Variants in ADAMTS20 observed in about 807,000 individuals in gnomAD.
ADAMTS20 encodes the protein A disintegrin and metalloproteinase with thrombospondin motifs 20.
A neutral mutation model predicts 260.1 loss-of-function variants in ADAMTS20; 225 were observed. The ratio of observed to expected loss-of-function variants is 0.87; its 90% confidence interval spans 0.78 to 0.97. The LOEUF (loss-of-function observed/expected upper bound fraction) is 0.97. Among genes scored for constraint, ADAMTS20 ranks in the 50% least tolerant of loss-of-function variants. The probability of loss-of-function intolerance (pLI) is 0.00; values close to 1 mark genes in which losing one functional copy is unlikely to be tolerated. For missense variants in ADAMTS20, 2,400 were observed against 2,337.7 expected (o/e 1.03, Z -0.55); for synonymous variants, 802 against 769.5 (o/e 1.04, Z -0.70).
chr12:43,392,204 T>C (rs1230049878), intron 29 of ADAMTS20, among the ~76,000 whole-genome samples: 2 of 152,168 alleles, frequency 1.3e-5, no homozygotes, highest in African/African-American at 4.8e-5. Context: ...GAATCTCTTA[T>C]GAAAATGTCT....
intron 2 of ADAMTS20, among the ~76,000 whole-genome samples, chr12:43,532,549 T>TC (rs2137505138): frequency 1.1e-5 from 1 of 92,512 alleles, no homozygotes; most frequent in Admixed American, 1.2e-4. Flanking sequence ...ACTTTTTTTT[T>TC]TTAATGTTTT....
intron 36 of ADAMTS20, among the ~76,000 whole-genome samples, chr12:43,370,531 A>G (rs1236386471): frequency 6.6e-6 from 1 of 152,208 alleles, no homozygotes; most frequent in Non-Finnish European, 1.5e-5. Flanking sequence ...CTCCAAAAGC[A>G]TGTCAGTCAA....
chr12:43,383,583 A>AT lies in ADAMTS20; in HGVS notation c.4771dup (p.Ile1591AsnfsTer17). On this transcript the variant is annotated frameshift_variant, in exon 31 of 39. Coordinates refer to ENST00000389420, the MANE Select transcript of ADAMTS20 (RefSeq NM_025003.5). LOFTEE classifies it high-confidence loss of function. ...CTGTGATGAGTCTGCTGTTACCACA[A>AT]TGTAATTGCAAGGAGGGTTCCTGCA... The AT allele has an allele frequency of 6.2e-7, 1 of 1,613,164 alleles. No homozygotes were observed. Among genetic ancestry groups the AT allele is most frequent in the Non-Finnish European group, 8.5e-7 (1 of 1,179,446 alleles).
chr12:43,369,979 G>T (rs369261723), intron 36 of ADAMTS20, among the ~76,000 whole-genome samples: 25 of 151,976 alleles, frequency 1.6e-4, no homozygotes, highest in African/African-American at 5.6e-4. Flanking sequence ...AGAGCCATTG[G>T]ATTAAAACAG....
chr12:43,546,224 C>T (rs1191023708), intron 2 of ADAMTS20, among the ~76,000 whole-genome samples: 1 of 152,154 alleles, frequency 6.6e-6, no homozygotes, highest in Non-Finnish European at 1.5e-5. Flanking sequence ...AATAATCAGT[C>T]ATCAGAGAGG....
chr12:43,541,340 TA>T (rs958336864), intron 2 of ADAMTS20, among the ~76,000 whole-genome samples: 2 of 152,206 alleles, frequency 1.3e-5, no homozygotes, highest in Non-Finnish European at 2.9e-5. Flanking sequence ...CCATTGTCTG[TA>T]AAACAAAATT....
chr12:43,405,721 C>T (rs1190147046), intron 28 of ADAMTS20, among the ~76,000 whole-genome samples: 1 of 152,008 alleles, frequency 6.6e-6, no homozygotes, highest in Non-Finnish European at 1.5e-5. Flanking sequence ...TATTCAATTT[C>T]ACTTTGGCTT....
chr12:43,391,034 C>A (rs1940585500), intron 29 of ADAMTS20, among the ~76,000 whole-genome samples: 1 of 152,124 alleles, frequency 6.6e-6, no homozygotes, highest in African/African-American at 2.4e-5. Flanking sequence ...GGCTTATAAA[C>A]AACAGAAATT....
chr12:43,359,999 T>C (rs977142335), intron 37 of ADAMTS20, among the ~76,000 whole-genome samples: 4 of 152,110 alleles, frequency 2.6e-5, no homozygotes, highest in Non-Finnish European at 5.9e-5. Flanking sequence ...TTTATTAAAA[T>C]TGAAAACTGC....
At position 43,377,494 on chromosome 12, in the gene ADAMTS20, C is replaced by G; in HGVS notation, c.4866G>C (p.Lys1622Asn). 6.2e-7 allele frequency: 1 copy of G among 1,613,644 alleles called. No individual in the cohort carries two copies. Among genetic ancestry groups the G allele is most frequent in the Non-Finnish European group, 8.5e-7 (1 of 1,179,670 alleles). ...GCCGAAGTCGATGGAGCTTATGTTT[C>G]TTAGTAGATGGGATCTCGGTGCAAT... ...ITYCTEIPSTKKHKLHRLRPI... is the reference protein window; with the variant it reads ...ITYCTEIPSTNKHKLHRLRPI... The change falls in exon 32 of 39, where the codon AAG becomes AAC. Residue 1622 changes from lysine (K) to asparagine (N), a missense_variant. Physicochemically the swap from Lys to Asn is moderately conservative, Grantham distance 94. Coordinates refer to ENST00000389420, the MANE Select transcript of ADAMTS20 (RefSeq NM_025003.5).
rs1196749130 is a variant in ADAMTS20 at position 43,432,470 on chromosome 12, T to G, written c.2932-2A>C. The G allele has an allele frequency of 6.3e-7, 1 of 1,584,192 alleles. No homozygotes were observed. Among genetic ancestry groups the G allele is most frequent in the African/African-American group, 1.4e-5 (1 of 69,872 alleles). ...CCCTCCTCCACAACTCCTGGAACAC[T>G]GATTAAAAAAAAAAAAGTGGTAACT... is the stretch of plus-strand genomic sequence containing the variant. On this transcript the variant is annotated splice_acceptor_variant, in intron 20 of 38. Transcript: ENST00000389420. LOFTEE classifies it high-confidence loss of function.
At chr12:43,535,401 A>AT (rs5797867) in intron 2 of ADAMTS20, among the ~76,000 whole-genome samples, 49,173 of 151,954 alleles carry the variant, frequency 0.32, 9,187 homozygotes, top group Non-Finnish European at 0.42. Flanking sequence ...GCTTGCAGGG[A>AT]TTTTTGTCAG....
intron 28 of ADAMTS20, among the ~76,000 whole-genome samples, chr12:43,415,868 T>C (rs906823014): frequency 9.2e-5 from 14 of 152,330 alleles, no homozygotes; most frequent in African/African-American, 3.4e-4. Flanking sequence ...CATGAGACTA[T>C]CTAATACAAA....
intron 30 of ADAMTS20, 21 bp from the exon 31 acceptor site, chr12:43,383,749 T>C (rs1940407441): frequency 1.2e-6 from 2 of 1,613,640 alleles, no homozygotes; most frequent in South Asian, 1.1e-5. Flanking sequence ...AATAACCAAA[T>C]GAATAACACA....
intron 29 of ADAMTS20, among the ~76,000 whole-genome samples, chr12:43,389,716 G>GT (rs751008072): frequency 2.0e-5 from 3 of 151,828 alleles, no homozygotes; most frequent in African/African-American, 4.8e-5. Flanking sequence ...TTTTGTTTTT[G>GT]TTTTTTTGCC....
Position 43,427,527 on chromosome 12 carries a change from C to T in ADAMTS20, c.3946-58G>A. ...CTGCGGATTCCACATAATGAATTTA[C>T]ATGGTAAAAAAAAAAAATCAGCATT... On this transcript the variant is annotated intron_variant, in intron 26 of 38. Coordinates refer to ENST00000389420, the MANE Select transcript of ADAMTS20 (RefSeq NM_025003.5). 8.4e-6 allele frequency: 12 copies of T among 1,434,586 alleles called. No homozygotes were observed. In the South Asian group the frequency reaches 1.6e-4, roughly 19 times the overall value. The allele number at this position is 1,434,586 out of a possible 1,614,324, so 88.9% of individuals were successfully genotyped here. A position where few individuals can be genotyped will look rare whatever the true frequency, so the allele number is the denominator to read the frequency against.
chr12:43,541,934 T>C (rs1943381949), intron 2 of ADAMTS20, among the ~76,000 whole-genome samples: 1 of 152,220 alleles, frequency 6.6e-6, no homozygotes, highest in Admixed American at 6.5e-5. Context: ...ACTGCTCTCC[T>C]GCCAAGTCCT....
chr12:43,418,877 A>C (rs2137284370), intron 28 of ADAMTS20, among the ~76,000 whole-genome samples: 1 of 152,302 alleles, frequency 6.6e-6, no homozygotes, highest in South Asian at 2.1e-4. Flanking sequence ...CTGGATTTGA[A>C]GTCAATTACT....
intron 29 of ADAMTS20, among the ~76,000 whole-genome samples, chr12:43,389,225 C>G (rs914366303): frequency 2.0e-5 from 3 of 152,112 alleles, no homozygotes; most frequent in African/African-American, 7.2e-5. Context: ...GAGTGAGATT[C>G]AAGGTATAAT....
Sources: allele counts gnomAD v4.1 joint callset (sites outside exome capture counted in the v4.1 genomes callset), GRCh38; gene constraint gnomAD v4.1.1; transcripts MANE v1.5; gene names NCBI Gene and HGNC (gene_info 2026-07-23, HGNC 2026-07-21).